Variants in GGA2 observed in about 807,000 individuals in gnomAD.
The protein encoded by GGA2 is golgi associated, gamma adaptin ear containing, ARF binding protein 2, also known as ADP-ribosylation factor-binding protein GGA2.
GGA2 carries 48 observed loss-of-function variants against 79.5 expected under a neutral mutation model. That is an observed-to-expected ratio of 0.60 (90% confidence interval 0.48 to 0.77). The LOEUF (loss-of-function observed/expected upper bound fraction) is 0.77, where lower values mean the gene tolerates loss of function less well. Ranked by LOEUF, GGA2 falls within the 30% of genes least tolerant of loss-of-function variation. The pLI is 0.00. For missense variants in GGA2, 770 were observed against 774.0 expected, an observed-to-expected ratio of 0.99 and a Z score of 0.06; for synonymous variants, 317 against 302.0, an observed-to-expected ratio of 1.05 and a Z score of -0.51.
intron 1 of GGA2, chr16:23,519,676 G>C: frequency 2.6e-6 from 1 of 383,912 alleles, no homozygotes; most frequent in South Asian, 1.8e-5. Flanking sequence ...ACACACAGAG[G>C]GGTGAATGTT....
chr16:23,472,708 AAAAATAAAAT>A, intron 14 of GGA2, among the ~76,000 whole-genome samples: 1 of 151,370 alleles, frequency 6.6e-6, no homozygotes. Flanking sequence ...ACCTTGTCTC[AAAAATAAAAT>A]AAAATAAAAT....
chr16:23,492,330 T>TC (rs1964799042), intron 4 of GGA2, among the ~76,000 whole-genome samples: 1 of 151,866 alleles, frequency 6.6e-6, no homozygotes, highest in Admixed American at 6.6e-5. Context: ...TGCCCCCACA[T>TC]CCCCCCACCT....
intron 9 of GGA2, among the ~76,000 whole-genome samples, chr16:23,481,871 T>G (rs1489212625): frequency 6.6e-6 from 1 of 152,184 alleles, no homozygotes; most frequent in African/African-American, 2.4e-5. Context: ...TTTTCTTTTA[T>G]GTCTGATTTA....
chr16:23,505,730 G>A (rs1470458804), intron 1 of GGA2, among the ~76,000 whole-genome samples: 2 of 130,822 alleles, frequency 1.5e-5, no homozygotes, highest in Non-Finnish European at 3.2e-5. Context: ...CATGACCCCA[G>A]GTCATGCTGA....
intron 10 of GGA2, chr16:23,480,299 C>A: frequency 3.2e-6 from 1 of 314,272 alleles, no homozygotes; most frequent in Non-Finnish European, 6.0e-6. Flanking sequence ...TCAACCAGTG[C>A]TCCAGGTGAT....
upstream of GGA2, among the ~76,000 whole-genome samples, chr16:23,514,404 G>A (rs111775476): frequency 3.9e-5 from 6 of 151,984 alleles, no homozygotes; most frequent in East Asian, 1.9e-4. Context: ...CACTGTGCCC[G>A]GCCTGTAAAA....
At chr16:23,516,960 G>C (rs1392173002) in intron 2 of GGA2, among the ~76,000 whole-genome samples, 1 of 150,050 alleles carries the variant, frequency 6.7e-6, no homozygotes, top group East Asian at 1.9e-4. Flanking sequence ...GTGGCCAGGA[G>C]GGTGGAGAGA....
chr16:23,512,024 C>A (rs2097662), upstream of GGA2, among the ~76,000 whole-genome samples: 112,336 of 152,074 alleles, frequency 0.74, 42,008 homozygotes, highest in Non-Finnish European at 0.81. Flanking sequence ...AAGGCTAGAA[C>A]CTGGAAGGTT....
chr16:23,516,229 C>A (rs1051370161), intron 2 of GGA2, among the ~76,000 whole-genome samples: 3 of 152,042 alleles, frequency 2.0e-5, no homozygotes, highest in Non-Finnish European at 4.4e-5. Flanking sequence ...CCAGACTGGT[C>A]TCGAACTCCT....
chr16:23,499,237 C>T (rs1378198366), intron 1 of GGA2, among the ~76,000 whole-genome samples: 5 of 151,920 alleles, frequency 3.3e-5, no homozygotes, highest in Admixed American at 6.6e-5. Context: ...CTCCGCCTCC[C>T]GGGTTCAAGC....
At chr16:23,482,872 A>G (rs773808118) in intron 9 of GGA2, 51 bp downstream of exon 9, 2 of 1,029,886 alleles carry the variant, frequency 1.9e-6, no homozygotes, top group South Asian at 2.5e-5. Flanking sequence ...GGAGGGACCG[A>G]GTCTGTCTTG....
chr16:23,465,377 C>T lies in GGA2; in HGVS notation c.*2213G>A. 2 of 703,016 alleles carry T rather than the reference C, an allele frequency of 2.8e-6. No homozygotes were observed. Among genetic ancestry groups the T allele is most frequent in the Non-Finnish European group, 5.2e-6 (2 of 384,854 alleles). 43.5% of individuals were successfully genotyped at this position (703,016 alleles called of 1,614,324 possible). On this transcript the variant is annotated 3_prime_UTR_variant, in exon 17 of 17. Coordinates refer to ENST00000309859, the MANE Select transcript of GGA2 (RefSeq NM_015044.4). ...TAGAAGGGAGTGATGCCATAAACCACAGCCACTTTCAGGACAGCAGCCTGC... is the reference window on the plus strand; with the variant it reads ...TAGAAGGGAGTGATGCCATAAACCATAGCCACTTTCAGGACAGCAGCCTGC...
Position 23,488,653 on chromosome 16 carries a change from G to T in GGA2, c.532C>A (p.Pro178Thr), listed in dbSNP as rs967124377. 7 of 1,611,468 alleles carry T rather than the reference G, an allele frequency of 4.3e-6. No homozygotes were observed. In the African/African-American group the frequency reaches 9.4e-5, roughly 22 times the overall value. ...TCAAAGATGGAGCTCTTGGGCCAGG[G>T]AGATGGTGGGGGTAAGATTTTATCC... is the stretch of plus-strand genomic sequence containing the variant. Reference protein sequence around the residue: ...PVDKILPPPSPWPKSSIFDAD... With the variant: ...PVDKILPPPSTWPKSSIFDAD... Residue 178 changes from proline (P) to threonine (T), a missense_variant, in exon 6 of 17, where the codon CCC (proline) becomes ACC (threonine). Coordinates refer to ENST00000309859, the MANE Select transcript of GGA2 (RefSeq NM_015044.4).
At chr16:23,475,160 A>C in intron 13 of GGA2, 99 bp from the exon 14 acceptor site, 9 of 619,648 alleles carry the variant, frequency 1.5e-5, no homozygotes, top group Non-Finnish European at 2.3e-5. Flanking sequence ...AATAACACAC[A>C]CACACACACA....
intron 15 of GGA2, 64 bp downstream of exon 15, chr16:23,469,932 C>A (rs1964487964): frequency 8.0e-7 from 1 of 1,253,390 alleles, no homozygotes; most frequent in Non-Finnish European, 1.1e-6. Context: ...AGGTAAGTCC[C>A]AGAAAAGAAC....
At chr16:23,522,207 T>C (rs1055209491), upstream of GGA2, 4 of 203,506 alleles carry the variant, frequency 2.0e-5, no homozygotes, top group African/African-American at 9.2e-5. Flanking sequence ...TAGTTTTCCT[T>C]GAGAACAACT....
chr16:23,491,265 C>G lies in GGA2; in HGVS notation c.475+412G>C, dbSNP rs538133267. On this transcript the variant is annotated intron_variant, in intron 5 of 16. Coordinates refer to ENST00000309859, the MANE Select transcript of GGA2 (RefSeq NM_015044.4). ...GAGGCTACAGTGAGCCATGACTGCACCACTGTGCTCCAGCCTAGGTAACAG... is the reference window on the plus strand; with the variant it reads ...GAGGCTACAGTGAGCCATGACTGCAGCACTGTGCTCCAGCCTAGGTAACAG... Among the ~76,000 whole-genome samples, 8 of 145,220 alleles carry G rather than the reference C, an allele frequency of 5.5e-5. No individual in the cohort carries two copies. The East Asian group carries it at 1.6e-3, about 29-fold the overall frequency.
At chr16:23,499,005 A>G (rs2040574) in intron 1 of GGA2, among the ~76,000 whole-genome samples, 130,491 of 152,070 alleles carry the variant, frequency 0.86, 56,189 homozygotes, top group African/African-American at 0.91. Flanking sequence ...CAGAGGCAGG[A>G]AGAGAACAGG....
At chr16:23,478,711 C>A in intron 12 of GGA2, 172 bp downstream of exon 12, 1 of 735,754 alleles carries the variant, frequency 1.4e-6, no homozygotes, top group South Asian at 1.5e-5. Context: ...ACCTGTCTCC[C>A]CCAGGTATCA....
Sources: allele counts gnomAD v4.1 joint callset (sites outside exome capture counted in the v4.1 genomes callset), GRCh38; gene constraint gnomAD v4.1.1; transcripts MANE v1.5; gene names NCBI Gene and HGNC (gene_info 2026-07-23, HGNC 2026-07-21).